Variants in COL9A2 observed in about 807,000 individuals in gnomAD.
COL9A2 encodes the protein collagen type IX alpha 2 chain.
In COL9A2, 66 loss-of-function variants were observed where a neutral mutation model predicts 111.6. The observed-to-expected ratio is 0.59, with a 90% CI of 0.48 to 0.73. COL9A2 has a LOEUF of 0.73. Ranked by LOEUF, COL9A2 falls within the 30% of genes least tolerant of loss-of-function variation. COL9A2 has a pLI of 0.00. For missense variants in COL9A2, 881 were observed against 954.1 expected, an observed-to-expected ratio of 0.92 and a Z score of 1.01; for synonymous variants, 353 against 364.1, an observed-to-expected ratio of 0.97 and a Z score of 0.35.
intron 19 of COL9A2, 96 bp from the exon 20 acceptor site, chr1:40,306,283 C>G (rs905342316): frequency 1.5e-5 from 21 of 1,371,956 alleles, no homozygotes; most frequent in Non-Finnish European, 2.2e-5. Flanking sequence ...ATTTCCCCCA[C>G]CTGTGGGAGC....
At position 40,301,369 on chromosome 1, in the gene COL9A2, CGGCCAGGG is replaced by C; in HGVS notation, c.1875_1882del (p.Pro626AlafsTer37). On this transcript the variant is annotated frameshift_variant, in exon 32 of 32. Coordinates refer to ENST00000372748, the MANE Select transcript of COL9A2 (RefSeq NM_001852.4). LOFTEE classifies it high-confidence loss of function. ...CTTGCCGTTGATTGCCTGGCCAGGC[CGGCCAGGG>C]AGTCCTGTGAACAGGAGAAAGTCAA... The C allele has an allele frequency of 6.2e-7, 1 of 1,608,250 alleles. No individual in the cohort carries two copies. Among genetic ancestry groups the C allele is most frequent in the South Asian group, 1.1e-5 (1 of 90,724 alleles).
chr1:40,303,181 C>A lies in COL9A2; in HGVS notation c.1553G>T (p.Arg518Leu), dbSNP rs200949058. Residue 518 changes from arginine to leucine, a missense_variant, in exon 29 of 32, where the codon CGG (arginine) becomes CTG (leucine). Arg to Leu is a moderately radical substitution (Grantham distance 102). Coordinates refer to ENST00000372748, the MANE Select transcript of COL9A2 (RefSeq NM_001852.4). This position sits in a 1 kb window ranked among gnomAD's most constrained non-coding sequence, Gnocchi z 4.6. Reference sequence around the variant, plus strand: ...CACGATGTGCTGGTCAGTGGCATCCCGGCCCTGAAAGCAGAGGCCTTTCAG... The same window carrying A: ...CACGATGTGCTGGTCAGTGGCATCCAGGCCCTGAAAGCAGAGGCCTTTCAG... ...GQPGRQGVEGRDATDQHIVDV... is the reference protein window; with the variant it reads ...GQPGRQGVEGLDATDQHIVDV... 1.2e-5 allele frequency: 20 copies of A among 1,611,286 alleles called. No individual in the cohort carries two copies. The Admixed American group carries it at 2.0e-4, about 16-fold the overall frequency.
Position 40,312,564 on chromosome 1 carries a change from T to C in COL9A2, c.339+10A>G. On this transcript the variant is annotated intron_variant, in intron 6 of 31. Coordinates refer to ENST00000372748, the MANE Select transcript of COL9A2 (RefSeq NM_001852.4). The surrounding 1 kb of genome is among the most constrained non-coding windows in gnomAD (Gnocchi z 6.0). Reference sequence around the variant, plus strand: ...AAGAGTCCCTCGAAGCCCTTGCAGGTTGTACTCACCGGAAGGCCAGGAGGA... The same window carrying C: ...AAGAGTCCCTCGAAGCCCTTGCAGGCTGTACTCACCGGAAGGCCAGGAGGA... The C allele has an allele frequency of 6.2e-7, 1 of 1,613,952 alleles. No individual in the cohort carries two copies. The highest frequency in any genetic ancestry group is 8.5e-7 in the Non-Finnish European group (1 of 1,179,980).
chr1:40,308,718 T>A (rs1183321332), intron 16 of COL9A2, among the ~76,000 whole-genome samples: 1 of 152,210 alleles, frequency 6.6e-6, no homozygotes, highest in Non-Finnish European at 1.5e-5. Flanking sequence ...GAATGAGTGC[T>A]TATTGTTTAG....
rs1643963810 is a variant in COL9A2, at chr1:40,303,976, CAG to C, written c.1324-6_1324-5del. On this transcript the variant is annotated splice_region_variant and splice_polypyrimidine_tract_variant and intron_variant, in intron 25 of 31. Coordinates refer to ENST00000372748, the MANE Select transcript of COL9A2 (RefSeq NM_001852.4). This position sits in a 1 kb window ranked among gnomAD's most constrained non-coding sequence, Gnocchi z 4.6. ...GGCCGGCCACCCCTGGGTCACCCTGCAGAGAGAACCACGGGTCAGACGCGCGG... is the reference window on the plus strand; with the variant it reads ...GGCCGGCCACCCCTGGGTCACCCTGCAGAGAACCACGGGTCAGACGCGCGG... 5 of 1,567,086 alleles carry C rather than the reference CAG, an allele frequency of 3.2e-6. No individual in the cohort carries two copies. Among genetic ancestry groups the C allele is most frequent in the Non-Finnish European group, 4.3e-6 (5 of 1,155,480 alleles).
rs970292316 is a variant in COL9A2, at chr1:40,316,657, G to T, written c.75+466C>A. 3 of 437,412 alleles carry T rather than the reference G, an allele frequency of 6.9e-6. No homozygotes were observed. Among genetic ancestry groups the T allele is most frequent in the East Asian group, 1.8e-4 (2 of 11,040 alleles). 27.1% of individuals were successfully genotyped at this position (437,412 alleles called of 1,614,324 possible). On this transcript the variant is annotated intron_variant, in intron 1 of 31. Transcript: ENST00000372748. The surrounding 1 kb of genome is among the most constrained non-coding windows in gnomAD (Gnocchi z 5.5). ...GGCCCAGTCTCTGCCCTACCCGCGCGCCCGCAGCCCCCGGCGGCCCTCGGA... is the reference window on the plus strand; with the variant it reads ...GGCCCAGTCTCTGCCCTACCCGCGCTCCCGCAGCCCCCGGCGGCCCTCGGA...
At position 40,304,518 on chromosome 1, in the gene COL9A2, GCC is replaced by G. The variant is rs1557794573; in HGVS notation, c.1171_1172del (p.Gly391ArgfsTer17). 4 of 1,614,110 alleles carry G rather than the reference GCC, an allele frequency of 2.5e-6. No homozygotes were observed. The highest frequency in any genetic ancestry group is 3.4e-6 in the Non-Finnish European group (4 of 1,180,016). On this transcript the variant is annotated frameshift_variant, in exon 23 of 32. Transcript: ENST00000372748. LOFTEE classifies it high-confidence loss of function. ...CTGGTTGCCCCACTGGACCCCTCTC[GCC>G]TTGGTCACCCTGAAATGGAAAGAGA... is the stretch of plus-strand genomic sequence containing the variant. The part of the protein sequence containing the change: ...QGIMGQKGDQ[G>X]ERGPVGQPGP...
Position 40,303,429 on chromosome 1 carries a change from A to T in COL9A2, c.1548+101T>A. 4 of 1,504,762 alleles carry T rather than the reference A, an allele frequency of 2.7e-6. No individual in the cohort carries two copies. Among genetic ancestry groups the T allele is most frequent in the Non-Finnish European group, 3.6e-6 (4 of 1,102,192 alleles). The allele number at this position is 1,504,762 out of a possible 1,614,324, so 93.2% of individuals were successfully genotyped here. ...TGGGGCTTGGAACCAGTCTCGGGGA[A>T]GTCGGTGAGTCTCTGGGAATCCCTA... is the stretch of plus-strand genomic sequence containing the variant. On this transcript the variant is annotated intron_variant, in intron 28 of 31. Coordinates refer to ENST00000372748, the MANE Select transcript of COL9A2 (RefSeq NM_001852.4). This position sits in a 1 kb window ranked among gnomAD's most constrained non-coding sequence, Gnocchi z 4.6.
chr1:40,301,466 A>G, intron 31 of COL9A2, 85 bp from the exon 32 acceptor site: 1 of 1,245,760 alleles, frequency 8.0e-7, no homozygotes, highest in Non-Finnish European at 1.1e-6. Context: ...TTTCAGATGG[A>G]GAAAATGAGG....
Position 40,301,291 on chromosome 1 carries a change from A to G in COL9A2, c.1961T>C (p.Leu654Pro), listed in dbSNP as rs754673796. 5 of 1,613,058 alleles carry G rather than the reference A, an allele frequency of 3.1e-6. No individual in the cohort carries two copies. The East Asian group carries it at 1.1e-4, about 36-fold the overall frequency. The change falls in exon 32 of 32, where the codon CTG becomes CCG. Residue 654 changes from leucine to proline, a missense_variant. Physicochemically the swap from Leu to Pro is moderately conservative, Grantham distance 98. Coordinates refer to ENST00000372748, the MANE Select transcript of COL9A2 (RefSeq NM_001852.4). ...GCCCGGCAGCCCCACGGGGCCTGGC[A>G]GGCCAGGTCGACCTGCCTCTCCTGG... ...GAPGEAGRPG[L>P]PGPVGLPGFC...
Position 40,311,011 on chromosome 1 carries a change from G to A in COL9A2, c.630+82C>T. 6.4e-7 allele frequency: 1 copy of A among 1,565,710 alleles called. No homozygotes were observed. ...TGTCCCCAGAACCCACAGGGGAAGG[G>A]GAAGGGACGAAGAAGGGGACAGAGC... On this transcript the variant is annotated intron_variant, in intron 12 of 31. Transcript: ENST00000372748. The surrounding 1 kb of genome is among the most constrained non-coding windows in gnomAD (Gnocchi z 5.1).
intron 20 of COL9A2, 143 bp downstream of exon 20, chr1:40,306,000 G>T: frequency 1.1e-6 from 1 of 922,466 alleles, no homozygotes. Flanking sequence ...TGATGGGTGG[G>T]AGGTGGCAGG....
intron 22 of COL9A2, 113 bp from the exon 23 acceptor site, chr1:40,304,642 A>T: frequency 7.0e-7 from 1 of 1,427,704 alleles, no homozygotes; most frequent in South Asian, 1.2e-5. Context: ...TGTCACTGGC[A>T]GGGGGTCCTT....
At chr1:40,315,004 CG>C (rs1644193228) in intron 2 of COL9A2, among the ~76,000 whole-genome samples, 1 of 151,864 alleles carries the variant, frequency 6.6e-6, no homozygotes, top group African/African-American at 2.4e-5. Context: ...AGGGCCTGGC[CG>C]GGGGCCCAGC....
At chr1:40,309,159 T>C (rs1644076184) in intron 16 of COL9A2, among the ~76,000 whole-genome samples, 1 of 152,114 alleles carries the variant, frequency 6.6e-6, no homozygotes, top group South Asian at 2.1e-4. Flanking sequence ...GAGAATCTCT[T>C]GAACCAGGGA....
chr1:40,303,287 G>T lies in COL9A2; in HGVS notation c.1549-102C>A. 1 of 1,267,832 alleles carries T rather than the reference G, an allele frequency of 7.9e-7. No homozygotes were observed. Among genetic ancestry groups the T allele is most frequent in the Non-Finnish European group, 1.1e-6 (1 of 891,776 alleles). The allele number at this position is 1,267,832 out of a possible 1,614,324, so 78.5% of individuals were successfully genotyped here. ...AGGCCGCCATGGAGGAGACTCTGGT[G>T]TTGAGTCATTAATTCCCAAGCTGAG... On this transcript the variant is annotated intron_variant, in intron 28 of 31. Coordinates refer to ENST00000372748, the MANE Select transcript of COL9A2 (RefSeq NM_001852.4). This position sits in a 1 kb window ranked among gnomAD's most constrained non-coding sequence, Gnocchi z 4.6.
intron 2 of COL9A2, chr1:40,315,286 C>T (rs1569767078): frequency 8.3e-7 from 1 of 1,209,582 alleles, no homozygotes; most frequent in Non-Finnish European, 1.0e-6. Flanking sequence ...GGTTGAGTCG[C>T]CTCCTACCCC....
intron 31 of COL9A2, 28 bp downstream of exon 31, chr1:40,301,784 C>T (rs371875492): frequency 9.6e-5 from 154 of 1,609,830 alleles, no homozygotes; most frequent in Middle Eastern, 3.3e-4. Flanking sequence ...GAGGAACACA[C>T]TGCAGCTGGG....
In COL9A2 at chr1:40,308,837, T is replaced by C. The variant is rs138572096; in HGVS notation, c.847-592A>G. Among the ~76,000 whole-genome samples the C allele has an allele frequency of 3.0e-4, 45 of 152,192 alleles. 1 individual carries two copies. The highest frequency in any genetic ancestry group is 1.1e-3 in the African/African-American group (44 of 41,534). The stretch of plus-strand genomic sequence containing the variant: ...TCAAAGGAAGGAGGGGTCTGGGGGA[T>C]AGAGGACACAAGACTGACAAAATGT... On this transcript the variant is annotated intron_variant, in intron 16 of 31. Transcript: ENST00000372748.
Sources: gnomAD v4.1 joint callset for allele counts (sites outside exome capture counted in the v4.1 genomes callset) on GRCh38, gnomAD v4.1.1 for gene constraint, Gnocchi (gnomAD v3.1) non-coding constraint, MANE v1.5 for transcripts, NCBI Gene and HGNC (gene_info 2026-07-23, HGNC 2026-07-21) for gene names.